Variants in LIN7A observed in about 807,000 individuals in gnomAD.
The protein encoded by LIN7A is lin-7 cell polarity scaffold A.
In LIN7A, 25 loss-of-function variants were observed where a neutral mutation model predicts 29.8. The ratio of observed to expected loss-of-function variants is 0.84; its 90% CI spans 0.61 to 1.17. The LOEUF is 1.17. Ranked by LOEUF, LIN7A falls within the 50% of genes most tolerant of loss-of-function variation. The pLI is 0.00. For synonymous variants in LIN7A, 118 were observed against 107.5 expected, an observed-to-expected ratio of 1.10 and a Z score of -0.60; for missense variants, 239 against 287.0, an observed-to-expected ratio of 0.83 and a Z score of 1.21.
intron 5 of LIN7A, among the ~76,000 whole-genome samples, chr12:80,808,507 CTTTTTTT>C (rs200750392): frequency 7.3e-6 from 1 of 137,392 alleles, no homozygotes; most frequent in South Asian, 2.3e-4. Context: ...TTTCTTTTTT[CTTTTTTT>C]TTTTTTTTTG....
At chr12:80,880,749 A>ATG (rs1555226589) in intron 2 of LIN7A, among the ~76,000 whole-genome samples, 6 of 97,688 alleles carry the variant, frequency 6.1e-5, no homozygotes, top group Non-Finnish European at 6.8e-5. Context: ...GGAGGAGGCA[A>ATG]CGCACACACA....
At chr12:80,925,106 G>A (rs934081768) in intron 1 of LIN7A, among the ~76,000 whole-genome samples, 1 of 152,184 alleles carries the variant, frequency 6.6e-6, no homozygotes, top group Non-Finnish European at 1.5e-5. Context: ...CTCAGCAAAT[G>A]TTTGAGCACA....
chr12:80,842,009 T>C (rs1305379540), intron 4 of LIN7A: 2 of 1,276,606 alleles, frequency 1.6e-6, no homozygotes, highest in Admixed American at 4.9e-5. Flanking sequence ...GGTGGTTCAA[T>C]GTCTCATTTG....
Position 80,909,801 on chromosome 12 carries a change from C to T in LIN7A, c.83-20432G>A, listed in dbSNP as rs187199122. 4.6e-5 allele frequency among the ~76,000 whole-genome samples: 7 copies of T among 151,564 alleles called. No individual in the cohort carries two copies. In the East Asian group the frequency reaches 1.4e-3, roughly 29 times the overall value. ...TCAACTTTGCTCTTGCTTTTCAAAT[C>T]TGTTATTCTATGTCCTCTGCATTTT... On this transcript the variant is annotated intron_variant, in intron 1 of 5. Transcript: ENST00000552864.
intron 4 of LIN7A, among the ~76,000 whole-genome samples, chr12:80,845,113 T>C (rs958150574): frequency 1.3e-5 from 2 of 151,754 alleles, no homozygotes; most frequent in South Asian, 2.1e-4. Context: ...GGCGGGCGCC[T>C]GTAGTCCCAG....
chr12:80,878,269 TACACATCA>T (rs1874823043), intron 2 of LIN7A, among the ~76,000 whole-genome samples: 1 of 152,220 alleles, frequency 6.6e-6, no homozygotes, highest in Non-Finnish European at 1.5e-5. Flanking sequence ...AAACACTCTC[TACACATCA>T]TTAAAAATGT....
At chr12:80,885,430 A>G (rs1295218354) in intron 2 of LIN7A, among the ~76,000 whole-genome samples, 1 of 152,142 alleles carries the variant, frequency 6.6e-6, no homozygotes, top group African/African-American at 2.4e-5. Context: ...CTCATTATAG[A>G]AAAGTAGTAT....
intron 1 of LIN7A, among the ~76,000 whole-genome samples, chr12:80,898,312 C>G (rs1876018762): frequency 6.6e-6 from 1 of 152,118 alleles, no homozygotes; most frequent in Non-Finnish European, 1.5e-5. Flanking sequence ...GCTCTCTATT[C>G]TGTTCTATTG....
rs374349839 is a variant in LIN7A at position 80,807,063 on chromosome 12, G to GTTTTTTTTTGTTT, written c.*4401_*4402insAAACAAAAAAAAA. ...CCATAGGAAATTTAATGAAGATGGA[G>GTTTTTTTTTGTTT]TTTTTTTTTTTTTTTTTTTTTTTTT... On this transcript the variant is annotated intron_variant, in intron 5 of 5. Coordinates refer to ENST00000552864, the MANE Select transcript of LIN7A (RefSeq NM_004664.4). Among the ~76,000 whole-genome samples, 10 of 53,588 alleles carry GTTTTTTTTTGTTT rather than the reference G, an allele frequency of 1.9e-4. 1 individual carries two copies. The highest frequency in any genetic ancestry group is 6.7e-4 in the Admixed American group (3 of 4,510). 35.2% of individuals were successfully genotyped at this position (53,588 alleles called of 152,430 possible). A position where few individuals can be genotyped will look rare whatever the true frequency, so the allele number is the denominator to read the frequency against.
intron 2 of LIN7A, among the ~76,000 whole-genome samples, chr12:80,871,236 A>T (rs1874412963): frequency 6.6e-6 from 1 of 152,220 alleles, no homozygotes; most frequent in Non-Finnish European, 1.5e-5. Flanking sequence ...GTTTTAAAAG[A>T]CCAAGTCAAA....
Position 80,880,786 on chromosome 12 carries a change from C to G in LIN7A, c.201+8465G>C, listed in dbSNP as rs1475687573. Among the ~76,000 whole-genome samples, 8 of 150,960 alleles carry G rather than the reference C, an allele frequency of 5.3e-5. No individual in the cohort carries two copies. The East Asian group carries it at 1.6e-3, about 29-fold the overall frequency. ...ACACACACACACACATACACACACA[C>G]AGACACACACACACACATCGACATT... On this transcript the variant is annotated intron_variant, in intron 2 of 5. Coordinates refer to ENST00000552864, the MANE Select transcript of LIN7A (RefSeq NM_004664.4).
intron 3 of LIN7A, 22 bp from the exon 4 acceptor site, chr12:80,845,961 G>C (rs1261992140): frequency 1.3e-6 from 2 of 1,514,292 alleles, no homozygotes; most frequent in African/African-American, 1.4e-5. Flanking sequence ...AAAAAAAGAT[G>C]GTCTTTTGGT....
At chr12:80,846,867 C>T (rs1034253345) in intron 3 of LIN7A, among the ~76,000 whole-genome samples, 31 of 152,198 alleles carry the variant, frequency 2.0e-4, no homozygotes, top group African/African-American at 7.5e-4. Context: ...TGATTCTGTG[C>T]CTGCTTATTT....
chr12:80,937,599 G>T, intron 1 of LIN7A, 42 bp downstream of exon 1: 2 of 1,370,306 alleles, frequency 1.5e-6, no homozygotes, highest in Non-Finnish European at 2.0e-6. Flanking sequence ...GGGAGGAGGG[G>T]AGAGGGGACG....
chr12:80,908,096 A>G (rs1876578110), intron 1 of LIN7A, among the ~76,000 whole-genome samples: 1 of 152,104 alleles, frequency 6.6e-6, no homozygotes, highest in Admixed American at 6.6e-5. Flanking sequence ...ACCAGTACAA[A>G]GATACTTGAA....
chr12:80,915,885 AG>A (rs1308394803), intron 1 of LIN7A, among the ~76,000 whole-genome samples: 1 of 152,186 alleles, frequency 6.6e-6, no homozygotes, highest in African/African-American at 2.4e-5. Context: ...AAGAGCAGGG[AG>A]GGAGAGAGAG....
At chr12:80,921,271 C>T (rs955647771) in intron 1 of LIN7A, among the ~76,000 whole-genome samples, 1 of 151,728 alleles carries the variant, frequency 6.6e-6, no homozygotes, top group Non-Finnish European at 1.5e-5. Flanking sequence ...GACTCCAGAA[C>T]CATAAGAAAT....
intron 2 of LIN7A, among the ~76,000 whole-genome samples, chr12:80,873,251 C>G (rs1874510212): frequency 6.6e-6 from 1 of 152,154 alleles, no homozygotes; most frequent in African/African-American, 2.4e-5. Context: ...AGGAACAGGT[C>G]AAGCACAGTG....
chr12:80,902,879 T>C (rs1206927589), intron 1 of LIN7A, among the ~76,000 whole-genome samples: 1 of 151,842 alleles, frequency 6.6e-6, no homozygotes. Flanking sequence ...TTGCTCTGGC[T>C]GGGACATCCA....
Sources: allele counts gnomAD v4.1 joint callset (sites outside exome capture counted in the v4.1 genomes callset), GRCh38; gene constraint gnomAD v4.1.1; transcripts MANE v1.5; gene names NCBI Gene and HGNC (gene_info 2026-07-23, HGNC 2026-07-21).